Variants in MANBA observed in about 807,000 individuals in gnomAD.
The protein encoded by MANBA is beta-mannosidase.
Under a neutral mutation model 111.1 loss-of-function variants are expected in MANBA, and 83 were observed. That is an observed-to-expected ratio of 0.75 (90% CI 0.63 to 0.90). The LOEUF (loss-of-function observed/expected upper bound fraction) is 0.90. Ranked by LOEUF, MANBA falls within the 40% of genes least tolerant of loss-of-function variation. The pLI, the probability that MANBA is intolerant of heterozygous loss-of-function variation, is 0.00. For synonymous variants in MANBA, 370 were observed against 378.7 expected, an observed-to-expected ratio of 0.98 and a Z score of 0.27; for missense variants, 1,036 against 1,069.0, an observed-to-expected ratio of 0.97 and a Z score of 0.43.
At chr4:102,752,033 T>A (rs879163090) in intron 1 of MANBA, 1 of 749,176 alleles carries the variant, frequency 1.3e-6, no homozygotes, top group South Asian at 1.3e-5. Flanking sequence ...TGGGATAAGA[T>A]GCTAAAGATC....
intron 7 of MANBA, among the ~76,000 whole-genome samples, chr4:102,682,277 C>T (rs1732022006): frequency 6.6e-6 from 1 of 151,670 alleles, no homozygotes. Flanking sequence ...AGTAACCAAA[C>T]ACATAGTTAA....
intron 1 of MANBA, chr4:102,751,754 T>C (rs1723809255): frequency 1.9e-6 from 1 of 534,056 alleles, no homozygotes; most frequent in African/African-American, 1.9e-5. Flanking sequence ...CTGGTTCTTA[T>C]GATAAGACCT....
At chr4:102,726,823 G>A in intron 1 of MANBA, 140 bp from the exon 2 acceptor site, 1 of 616,978 alleles carries the variant, frequency 1.6e-6, no homozygotes, top group Non-Finnish European at 2.9e-6. Context: ...GTACAAAGAG[G>A]GGACAGATCG....
intron 10 of MANBA, chr4:102,667,709 G>A (rs187720066): frequency 2.0e-5 from 3 of 152,096 alleles, no homozygotes; most frequent in African/African-American, 4.8e-5. Context: ...CATTCAAGAA[G>A]AAATATCAAA....
chr4:102,652,228 T>G (rs1402445231), intron 12 of MANBA, among the ~76,000 whole-genome samples: 1 of 152,162 alleles, frequency 6.6e-6, no homozygotes, highest in Non-Finnish European at 1.5e-5. Flanking sequence ...TTGTATCAAT[T>G]AACCAACTCT....
chr4:102,755,566 G>C (rs1244114056), intron 1 of MANBA, among the ~76,000 whole-genome samples: 1 of 152,148 alleles, frequency 6.6e-6, no homozygotes, highest in Non-Finnish European at 1.5e-5. Context: ...CATGGGCAAG[G>C]ACTTCATGAC....
intron 1 of MANBA, chr4:102,751,325 G>A (rs1039323077): frequency 1.3e-4 from 43 of 341,248 alleles, no homozygotes; most frequent in East Asian, 2.9e-4. Flanking sequence ...AATTTTGAGC[G>A]GCCTCTTTGT....
chr4:102,638,061 G>A (rs1316273022), intron 14 of MANBA, among the ~76,000 whole-genome samples: 1 of 152,198 alleles, frequency 6.6e-6, no homozygotes, highest in Non-Finnish European at 1.5e-5. Context: ...GTGTGTGGGG[G>A]AAGTTTCCCA....
At chr4:102,646,020 C>A (rs562514405) in intron 13 of MANBA, among the ~76,000 whole-genome samples, 104 of 152,148 alleles carry the variant, frequency 6.8e-4, no homozygotes, top group Non-Finnish European at 1.3e-3. Flanking sequence ...GCCCTGAGTC[C>A]TTAGGCAAAA....
chr4:102,747,344 G>A (rs1723626730), intron 1 of MANBA, among the ~76,000 whole-genome samples: 1 of 152,064 alleles, frequency 6.6e-6, no homozygotes, highest in East Asian at 1.9e-4. Flanking sequence ...AGGCTGGGAG[G>A]ATAAGCCACT....
chr4:102,647,561 T>TAC (rs947910366), intron 13 of MANBA, among the ~76,000 whole-genome samples: 9 of 151,356 alleles, frequency 5.9e-5, no homozygotes, highest in South Asian at 4.2e-4. Context: ...AAGTCTCTTA[T>TAC]ACACACACAC....
chr4:102,744,424 C>G (rs1163731683), intron 1 of MANBA, among the ~76,000 whole-genome samples: 1 of 152,174 alleles, frequency 6.6e-6, no homozygotes, highest in Non-Finnish European at 1.5e-5. Context: ...CGAAAGAGAT[C>G]AAAGTCTCTT....
intron 5 of MANBA, among the ~76,000 whole-genome samples, chr4:102,712,777 C>CTGGAAT (rs1442101759): frequency 1.3e-5 from 2 of 152,182 alleles, no homozygotes; most frequent in Non-Finnish European, 2.9e-5. Context: ...AATCCACCCA[C>CTGGAAT]TTTGGCCTCC....
intron 5 of MANBA, among the ~76,000 whole-genome samples, chr4:102,701,976 C>G (rs1176837680): frequency 1.3e-5 from 2 of 152,076 alleles, no homozygotes; most frequent in Non-Finnish European, 2.9e-5. Context: ...GTTCCATTCT[C>G]CCCGTCACTT....
Position 102,632,114 on chromosome 4 carries a change from G to T in MANBA, c.2583C>A (p.Thr861=). 1 of 1,612,768 alleles carries T rather than the reference G, an allele frequency of 6.2e-7. No individual in the cohort carries two copies. The highest frequency in any genetic ancestry group is 8.5e-7 in the Non-Finnish European group (1 of 1,179,328). Residue 861 remains threonine, a synonymous_variant, in exon 17 of 17, where the codon ACC becomes ACA. Transcript: ENST00000647097. ...AAGATTGCTCCAACTCATTCTTGCT[G>T]GTGGGCTCCCAAGGGTAAAATAATA... ...RTILFYPWEP[T]SKNELEQSFH...
At chr4:102,703,787 C>T (rs911399124) in intron 5 of MANBA, among the ~76,000 whole-genome samples, 4 of 152,142 alleles carry the variant, frequency 2.6e-5, no homozygotes, top group Admixed American at 2.6e-4. Context: ...CCCCTACCCA[C>T]CAGATTATCT....
chr4:102,722,969 C>T lies in MANBA; in HGVS notation c.451G>A (p.Ala151Thr), dbSNP rs766827047. 1.2e-6 allele frequency: 2 copies of T among 1,614,072 alleles called. No homozygotes were observed. The highest frequency in any genetic ancestry group is 4.5e-5 in the East Asian group (2 of 44,884). Residue 151 changes from alanine (A) to threonine (T), a missense_variant, in exon 4 of 17, where the codon GCA becomes ACA. Transcript: ENST00000647097. The stretch of plus-strand genomic sequence containing the variant: ...GTGTGAGCTTTGCTCTGCTGTGCTG[C>T]ATACAACACCGCTGACTGGAAACGC... The part of the protein sequence containing the change: ...ELRFQSAVLY[A>T]AQQSKAHTRY...
At chr4:102,651,143 A>G (rs546780114) in intron 12 of MANBA, among the ~76,000 whole-genome samples, 1 of 152,008 alleles carries the variant, frequency 6.6e-6, no homozygotes, top group Non-Finnish European at 1.5e-5. Flanking sequence ...GGAATAAAAC[A>G]CCTATTACAC....
Position 102,672,286 on chromosome 4 carries a change from C to T in MANBA, c.1113-888G>A, listed in dbSNP as rs75465262. ...GCACATTTATACATTTGTAAATATG[C>T]TAAAATGTTATTTAATTTAGATAAT... On this transcript the variant is annotated intron_variant, in intron 8 of 16. Transcript: ENST00000647097. 9.3e-4 allele frequency: 359 copies of T among 387,974 alleles called. 3 individuals carry two copies. Among genetic ancestry groups the T allele is most frequent in the African/African-American group, 6.8e-3 (331 of 48,480 alleles). 24.0% of individuals were successfully genotyped at this position (387,974 alleles called of 1,614,324 possible).
Sources: gnomAD v4.1 joint callset for allele counts (sites outside exome capture counted in the v4.1 genomes callset) on GRCh38, gnomAD v4.1.1 for gene constraint, MANE v1.5 for transcripts, NCBI Gene and HGNC (gene_info 2026-07-23, HGNC 2026-07-21) for gene names.